CEP70: variants seen among roughly 807,000 people sequenced by gnomAD.
The protein encoded by CEP70 is centrosomal protein of 70 kDa.
Under a neutral mutation model 90.9 loss-of-function variants are expected in CEP70, and 70 were observed. That is an observed-to-expected ratio of 0.77 (90% CI 0.64 to 0.94). CEP70 has a LOEUF of 0.94. CEP70 is among the 40% of genes least tolerant of loss of function. The pLI is 0.00. For synonymous variants in CEP70, 220 were observed against 228.3 expected, an observed-to-expected ratio of 0.96 and a Z score of 0.33; for missense variants, 648 against 669.0, an observed-to-expected ratio of 0.97 and a Z score of 0.35.
chr3:138,509,565 C>G (rs1288418294), intron 11 of CEP70, among the ~76,000 whole-genome samples: 2 of 152,142 alleles, frequency 1.3e-5, no homozygotes, highest in South Asian at 4.1e-4. Flanking sequence ...CTCCTCATGG[C>G]TTTGAAAACA....
chr3:138,559,792 T>G (rs554447405), intron 6 of CEP70, among the ~76,000 whole-genome samples: 1 of 152,298 alleles, frequency 6.6e-6, no homozygotes, highest in Non-Finnish European at 1.5e-5. Flanking sequence ...TATTATAAAT[T>G]GCCTTCAAAG....
chr3:138,528,769 G>T (rs1255165466), intron 10 of CEP70, among the ~76,000 whole-genome samples: 1 of 152,056 alleles, frequency 6.6e-6, no homozygotes, highest in Non-Finnish European at 1.5e-5. Context: ...AAGGAGAAAG[G>T]ATCACTTGAG....
chr3:138,528,561 A>T (rs1037105779), intron 10 of CEP70, among the ~76,000 whole-genome samples: 2 of 152,180 alleles, frequency 1.3e-5, no homozygotes, highest in Admixed American at 6.5e-5. Flanking sequence ...TTACTTTTCA[A>T]AGGATGAAGA....
At chr3:138,592,027 T>TACTCCCAGAGCAGGC in intron 1 of CEP70, 71 bp from the exon 2 acceptor site, 3 of 582,690 alleles carry the variant, frequency 5.1e-6, no homozygotes, top group Non-Finnish European at 5.9e-6. Flanking sequence ...GGTCTTGTGT[T>TACTCCCAGAGCAGGC]ACTCCCAGAG....
At chr3:138,521,702 G>T (rs935603290) in intron 11 of CEP70, among the ~76,000 whole-genome samples, 5 of 151,788 alleles carry the variant, frequency 3.3e-5, no homozygotes, top group African/African-American at 7.3e-5. Flanking sequence ...CCCGTCTCGG[G>T]GGGTGGGGAG....
intron 8 of CEP70, chr3:138,530,653 TCTC>T (rs1161627066): frequency 4.1e-5 from 40 of 985,256 alleles, no homozygotes; most frequent in Non-Finnish European, 4.5e-5. Context: ...TCACAGCTCT[TCTC>T]CTCTGCTTCC....
chr3:138,539,783 A>C (rs2038596876), intron 6 of CEP70, among the ~76,000 whole-genome samples: 1 of 152,226 alleles, frequency 6.6e-6, no homozygotes, highest in African/African-American at 2.4e-5. Context: ...CCAAATTTAC[A>C]CAAAGATATA....
At chr3:138,594,070 C>G (rs1298702157) in intron 1 of CEP70, 128 bp downstream of exon 1, 4 of 152,290 alleles carry the variant, frequency 2.6e-5, no homozygotes, top group Non-Finnish European at 5.9e-5. Flanking sequence ...TTGGCGCGAC[C>G]CTGTCCCAGA....
intron 11 of CEP70, among the ~76,000 whole-genome samples, chr3:138,522,975 A>G (rs1311972163): frequency 1.3e-5 from 2 of 152,256 alleles, no homozygotes; most frequent in African/African-American, 4.8e-5. Context: ...AAAATCCTCA[A>G]TAAAATACTG....
At chr3:138,555,324 C>A (rs2039930473) in intron 6 of CEP70, among the ~76,000 whole-genome samples, 1 of 149,970 alleles carries the variant, frequency 6.7e-6, no homozygotes, top group South Asian at 2.1e-4. Flanking sequence ...CATAAAAATT[C>A]TAGAATATAG....
At chr3:138,539,090 G>A (rs1042027428) in intron 6 of CEP70, among the ~76,000 whole-genome samples, 2 of 152,158 alleles carry the variant, frequency 1.3e-5, no homozygotes, top group Admixed American at 6.5e-5. Context: ...TCAGCTTACT[G>A]CAACTTCCAC....
At chr3:138,520,400 A>G (rs1461442549) in intron 11 of CEP70, among the ~76,000 whole-genome samples, 1 of 152,164 alleles carries the variant, frequency 6.6e-6, no homozygotes, top group Admixed American at 6.6e-5. Context: ...GCACCACACC[A>G]CACCTATTCC....
chr3:138,496,224 T>A (rs2033946246), intron 17 of CEP70: 1 of 985,326 alleles, frequency 1.0e-6, no homozygotes, highest in Non-Finnish European at 1.2e-6. Context: ...CATGCTTTCT[T>A]GGATTCCAAC....
chr3:138,587,853 C>T (rs767155774), intron 2 of CEP70, among the ~76,000 whole-genome samples: 20 of 151,960 alleles, frequency 1.3e-4, no homozygotes, highest in Non-Finnish European at 2.4e-4. Flanking sequence ...GTTTATAAAG[C>T]TATAGTAATC....
At chr3:138,508,641 A>T (rs1211106045) in intron 11 of CEP70, 97 bp from the exon 12 acceptor site, 2 of 772,956 alleles carry the variant, frequency 2.6e-6, no homozygotes, top group Non-Finnish European at 2.3e-6. Flanking sequence ...CCCTCCCAAC[A>T]GCCTTATATC....
chr3:138,563,720 C>T (rs2040577747), intron 6 of CEP70, among the ~76,000 whole-genome samples: 1 of 152,120 alleles, frequency 6.6e-6, no homozygotes, highest in Non-Finnish European at 1.5e-5. Flanking sequence ...AAATTTATAA[C>T]ACTAAGTGCC....
chr3:138,500,150 C>T lies in CEP70; in HGVS notation c.1612G>A (p.Glu538Lys), dbSNP rs772488999. The T allele has an allele frequency of 1.9e-6, 3 of 1,613,694 alleles. No individual in the cohort carries two copies. In the South Asian group the frequency reaches 3.3e-5, roughly 18 times the overall value. The change falls in exon 16 of 18, where the codon GAG (glutamate) becomes AAG (lysine). Residue 538 changes from glutamate to lysine, a missense_variant. By Grantham distance (56) the Glu-to-Lys change is moderately conservative (BLOSUM62 1). Coordinates refer to ENST00000264982, the MANE Select transcript of CEP70 (RefSeq NM_024491.4). ...LCRLINEDVN[E>K]QVMQVLGPED... Reference sequence around the variant, plus strand: ...GGTCCTAATACCTGCATAACCTGCTCATTCACATCTTCATTAATCAGCCTA... The same window carrying T: ...GGTCCTAATACCTGCATAACCTGCTTATTCACATCTTCATTAATCAGCCTA...
At chr3:138,550,363 TTTG>T (rs754268965) in intron 6 of CEP70, among the ~76,000 whole-genome samples, 2 of 152,150 alleles carry the variant, frequency 1.3e-5, no homozygotes, top group Non-Finnish European at 2.9e-5. Context: ...GCATACATTT[TTTG>T]TTGTTGTTGT....
chr3:138,573,064 T>A, intron 2 of CEP70, 132 bp from the exon 3 acceptor site: 1 of 646,230 alleles, frequency 1.5e-6, no homozygotes, highest in East Asian at 2.6e-5. Flanking sequence ...TGCAGGGCAA[T>A]TCAGGTCATT....
Sources: gnomAD v4.1 joint callset for allele counts (sites outside exome capture counted in the v4.1 genomes callset) on GRCh38, gnomAD v4.1.1 for gene constraint, MANE v1.5 for transcripts, NCBI Gene and HGNC (gene_info 2026-07-23, HGNC 2026-07-21) for gene names.